The following CPEB1 variants were observed in gnomAD, a reference collection of about 807,000 sequenced individuals.
CPEB1 encodes the protein cytoplasmic polyadenylation element-binding protein 1.
A neutral mutation model predicts 65.8 loss-of-function variants in CPEB1; 7 were observed. The ratio of observed to expected loss-of-function variants is 0.11; its 90% confidence interval spans 0.06 to 0.20. The LOEUF is 0.20. Ranked by LOEUF, CPEB1 falls within the 10% of genes least tolerant of loss-of-function variation. The pLI, the probability that CPEB1 is intolerant of heterozygous loss-of-function variation, is 1.00. For synonymous variants in CPEB1, 262 were observed against 260.0 expected (o/e 1.01, Z -0.08); for missense variants, 551 against 712.2 (o/e 0.77, Z 2.58).
intron 3 of CPEB1, among the ~76,000 whole-genome samples, chr15:82,620,842 T>C (rs529210006): frequency 1.3e-5 from 2 of 152,258 alleles, no homozygotes; most frequent in South Asian, 4.1e-4. Flanking sequence ...CTTTGTAAAC[T>C]AGAGACTGAA....
At chr15:82,626,020 T>G (rs1490603155) in intron 3 of CPEB1, among the ~76,000 whole-genome samples, 1 of 151,734 alleles carries the variant, frequency 6.6e-6, no homozygotes, top group Admixed American at 6.6e-5. Context: ...CTTGGGAGAC[T>G]GAGGCAGGAG....
intron 10 of CPEB1, among the ~76,000 whole-genome samples, chr15:82,547,736 G>C (rs748276395): frequency 3.3e-5 from 5 of 150,478 alleles, no homozygotes; most frequent in Admixed American, 6.6e-5. Context: ...GTAATGGCGT[G>C]ATCTCAGCTC....
chr15:82,630,156 G>C (rs973144576), intron 1 of CPEB1: 4 of 974,042 alleles, frequency 4.1e-6, no homozygotes, highest in African/African-American at 1.8e-5. Context: ...GGCTGAACTT[G>C]AAACTCCTGG....
intron 3 of CPEB1, among the ~76,000 whole-genome samples, chr15:82,625,709 G>A (rs914574878): frequency 6.6e-6 from 1 of 152,194 alleles, no homozygotes; most frequent in East Asian, 1.9e-4. Flanking sequence ...ACAGTCCAAC[G>A]TAGTGTTGCT....
rs1177230227 is a variant in CPEB1 at position 82,553,551 on chromosome 15, A to T, written c.1060T>A (p.Leu354Ile). Reference protein sequence around the residue: ...GVPWDITEAGLVNTFRVFGSL... With the variant: ...GVPWDITEAGIVNTFRVFGSL... ...CCAAAAACACGGAAGGTGTTAACTA[A>T]TCCAGCTGCAAAGAGACAGAAAAGA... Residue 354 changes from leucine to isoleucine, a missense_variant, in exon 8 of 13, where the codon TTA becomes ATA. Physicochemically the swap from Leu to Ile is conservative, Grantham distance 5. Transcript: ENST00000684509. 6.2e-7 allele frequency: 1 copy of T among 1,610,348 alleles called. No individual in the cohort carries two copies. The highest frequency in any genetic ancestry group is 1.7e-5 in the Admixed American group (1 of 59,780).
At chr15:82,629,152 G>T in intron 1 of CPEB1, 4 of 450,428 alleles carry the variant, frequency 8.9e-6, no homozygotes, top group Non-Finnish European at 1.2e-5. Flanking sequence ...GCCATTTATT[G>T]GCTGTGTGAT....
chr15:82,610,977 A>G (rs1399749499), intron 3 of CPEB1, among the ~76,000 whole-genome samples: 3 of 148,878 alleles, frequency 2.0e-5, no homozygotes, highest in African/African-American at 7.4e-5. Flanking sequence ...AAAAAAAAAA[A>G]AAAAAAAAAA....
intron 9 of CPEB1, among the ~76,000 whole-genome samples, chr15:82,550,457 G>C (rs757269478): frequency 6.6e-5 from 10 of 152,220 alleles, no homozygotes; most frequent in Non-Finnish European, 1.5e-4. Flanking sequence ...CAAGACCAAA[G>C]AGATTCTTCA....
At chr15:82,626,850 A>G (rs960389103) in intron 3 of CPEB1, among the ~76,000 whole-genome samples, 2 of 152,230 alleles carry the variant, frequency 1.3e-5, no homozygotes, top group African/African-American at 4.8e-5. Flanking sequence ...GTTAAATAAA[A>G]TATTAATTTC....
chr15:82,607,017 G>A (rs898963966), intron 3 of CPEB1, among the ~76,000 whole-genome samples: 1 of 151,540 alleles, frequency 6.6e-6, no homozygotes, highest in Non-Finnish European at 1.5e-5. Flanking sequence ...AAATTAAAGA[G>A]ACAAGGAAAT....
upstream of CPEB1, chr15:82,648,229 C>G (rs189993435): frequency 1.4e-3 from 340 of 251,484 alleles, 1 homozygote; most frequent in African/African-American, 7.2e-3. Context: ...CCTAAGTGAC[C>G]CTTGCCGAGT....
At chr15:82,546,866 G>C (rs1256993266) in intron 11 of CPEB1, among the ~76,000 whole-genome samples, 1 of 152,118 alleles carries the variant, frequency 6.6e-6, no homozygotes, top group African/African-American at 2.4e-5. Context: ...TGGAAAATAG[G>C]AAGTCAGGCT....
At chr15:82,569,431 T>G (rs1463583720) in intron 4 of CPEB1, among the ~76,000 whole-genome samples, 1 of 152,208 alleles carries the variant, frequency 6.6e-6, no homozygotes, top group African/African-American at 2.4e-5. Context: ...CTGGTCCTTA[T>G]GAATTCTGAG....
chr15:82,589,714 C>A (rs1245529980), intron 3 of CPEB1, among the ~76,000 whole-genome samples: 1 of 151,532 alleles, frequency 6.6e-6, no homozygotes, highest in Non-Finnish European at 1.5e-5. Flanking sequence ...GAGCAAGACT[C>A]CAACTCCAAA....
chr15:82,600,361 C>A (rs1031188207), intron 3 of CPEB1, among the ~76,000 whole-genome samples: 1 of 152,144 alleles, frequency 6.6e-6, no homozygotes, highest in Admixed American at 6.5e-5. Context: ...TCATTCACTG[C>A]CAGCAGACTC....
chr15:82,544,415 TCAATGTG>T lies in CPEB1; in HGVS notation c.*170_*176del. 2.1e-6 allele frequency: 1 copy of T among 471,156 alleles called. No homozygotes were observed. The highest frequency in any genetic ancestry group is 3.9e-5 in the East Asian group (1 of 25,360). The allele number at this position is 471,156 out of a possible 1,614,324, so 29.2% of individuals were successfully genotyped here. On this transcript the variant is annotated 3_prime_UTR_variant, in exon 13 of 13. Transcript: ENST00000684509. ...CCCTGAAAACAAAACCTGACAAAACTCAATGTGCATTAATTAGTGCAGAAACAAAGAC... is the reference window on the plus strand; with the variant it reads ...CCCTGAAAACAAAACCTGACAAAACTCATTAATTAGTGCAGAAACAAAGAC...
intron 3 of CPEB1, among the ~76,000 whole-genome samples, chr15:82,612,495 C>CA (rs371701761): frequency 0.082 from 4,216 of 51,724 alleles, 99 homozygotes; most frequent in Admixed American, 0.11. Flanking sequence ...AGAGTCTGTC[C>CA]AAAAAAAAAA....
intron 6 of CPEB1, 110 bp downstream of exon 6, chr15:82,555,760 C>T (rs2037088265): frequency 8.6e-7 from 1 of 1,164,164 alleles, no homozygotes; most frequent in Non-Finnish European, 1.2e-6. Flanking sequence ...GAGACTTCAC[C>T]ATGCAACCAA....
chr15:82,548,919 G>A (rs573704280), intron 10 of CPEB1: 8 of 301,950 alleles, frequency 2.6e-5, no homozygotes, highest in Non-Finnish European at 5.3e-5. Flanking sequence ...CAGGACTGGC[G>A]AATTGACCTC....
Sources: allele counts gnomAD v4.1 joint callset (sites outside exome capture counted in the v4.1 genomes callset), GRCh38; gene constraint gnomAD v4.1.1; transcripts MANE v1.5; gene names NCBI Gene and HGNC (gene_info 2026-07-23, HGNC 2026-07-21).